Variants in THSD4 observed in about 807,000 individuals in gnomAD.
THSD4 encodes the protein thrombospondin type-1 domain-containing protein 4.
A neutral mutation model predicts 119.0 loss-of-function variants in THSD4; 69 were observed. That is an observed-to-expected ratio of 0.58 (90% CI 0.48 to 0.71). The LOEUF (loss-of-function observed/expected upper bound fraction) is 0.71. Among genes scored for constraint, THSD4 ranks in the 30% least tolerant of loss-of-function variants. THSD4 has a pLI of 0.00. For synonymous variants in THSD4, 524 were observed against 540.4 expected, an observed-to-expected ratio of 0.97 and a Z score of 0.42; for missense variants, 1,393 against 1,391.1, an observed-to-expected ratio of 1.00 and a Z score of -0.02.
chr15:71,554,159 A>C (rs532207322), intron 7 of THSD4, among the ~76,000 whole-genome samples: 47 of 143,126 alleles, frequency 3.3e-4, no homozygotes, highest in African/African-American at 1.1e-3. Flanking sequence ...GCACGATCTC[A>C]GCTCACTGCA....
chr15:71,774,939 T>G (rs6416496), intron 17 of THSD4, among the ~76,000 whole-genome samples: 114,350 of 152,060 alleles, frequency 0.75, 43,977 homozygotes, highest in African/African-American at 0.89. Context: ...GAGGTCAGGA[T>G]ATTGAGACCA....
chr15:71,157,072 C>T (rs971998365), intron 3 of THSD4, among the ~76,000 whole-genome samples: 1 of 152,036 alleles, frequency 6.6e-6, no homozygotes, highest in Non-Finnish European at 1.5e-5. Flanking sequence ...GTTGTTAATC[C>T]TAAGAGTTGA....
intron 3 of THSD4, among the ~76,000 whole-genome samples, chr15:71,201,830 T>C (rs2043805771): frequency 6.6e-6 from 1 of 152,130 alleles, no homozygotes; most frequent in Non-Finnish European, 1.5e-5. Context: ...GCTGTACATA[T>C]GGTTCACGTC....
intron 3 of THSD4, among the ~76,000 whole-genome samples, chr15:71,199,268 T>C (rs2043746732): frequency 6.6e-6 from 1 of 152,192 alleles, no homozygotes; most frequent in African/African-American, 2.4e-5. Context: ...CCTTCCTCCT[T>C]TCAATTGCGA....
Position 71,331,500 on chromosome 15 carries a change from C to G in THSD4, c.1015+74785C>G, listed in dbSNP as rs369246263. On this transcript the variant is annotated intron_variant, in intron 6 of 17. Coordinates refer to ENST00000261862, the MANE Select transcript of THSD4 (RefSeq NM_024817.3). ...AAACACACTTACTAAATGCAAAAAC[C>G]TGCTGTGGCTCCACAGGCACCATGG... Among the ~76,000 whole-genome samples the G allele has an allele frequency of 2.3e-3, 357 of 152,268 alleles. 12 individuals are homozygous for G. In the South Asian group the frequency reaches 0.04, roughly 17 times the overall value.
chr15:71,614,802 G>C (rs563250987), intron 7 of THSD4, among the ~76,000 whole-genome samples: 106 of 152,244 alleles, frequency 7.0e-4, no homozygotes, highest in African/African-American at 2.4e-3. Flanking sequence ...AGGAAACTAG[G>C]GGATGATTAC....
intron 7 of THSD4, among the ~76,000 whole-genome samples, chr15:71,561,266 A>G (rs1467561598): frequency 6.6e-6 from 1 of 151,830 alleles, no homozygotes. Flanking sequence ...GAGCCACCGC[A>G]CTCGGCTCTC....
intron 6 of THSD4, among the ~76,000 whole-genome samples, chr15:71,396,385 C>T (rs1456649127): frequency 6.6e-6 from 1 of 152,162 alleles, no homozygotes; most frequent in Non-Finnish European, 1.5e-5. Flanking sequence ...AAGCCGTCCT[C>T]CCCTGGGTAT....
At chr15:71,395,914 G>GAGAGACACACACACACAC (rs535919434) in intron 6 of THSD4, among the ~76,000 whole-genome samples, 1 of 133,296 alleles carries the variant, frequency 7.5e-6, no homozygotes, top group Admixed American at 7.8e-5. Context: ...TTTGAAGAGA[G>GAGAGACACACACACACAC]ACACACACAC....
intron 4 of THSD4, among the ~76,000 whole-genome samples, chr15:71,228,663 G>T (rs1406669384): frequency 6.6e-6 from 1 of 152,198 alleles, no homozygotes; most frequent in African/African-American, 2.4e-5. Flanking sequence ...GTAGGCTGCA[G>T]AGCAGGGATT....
At chr15:71,165,561 C>G (rs916331887) in intron 3 of THSD4, 3 of 649,350 alleles carry the variant, frequency 4.6e-6, no homozygotes, top group Non-Finnish European at 8.0e-6. Flanking sequence ...ATAGCAAGAG[C>G]CTTTTTCCTG....
Position 71,779,347 on chromosome 15 carries a change from C to T in THSD4, c.*1973C>T, listed in dbSNP as rs188379332. 6.6e-6 allele frequency: 1 copy of T among 152,270 alleles called. No individual in the cohort carries two copies. Among genetic ancestry groups the T allele is most frequent in the East Asian group, 1.9e-4 (1 of 5,204 alleles). The allele number at this position is 152,270 out of a possible 1,614,324, so 9.4% of individuals were successfully genotyped here. ...GCTGTTCAGGGCCTGCTCTTTTCCA[C>T]TCACCACTTGTTTTGCTGCTTGTCA... On this transcript the variant is annotated 3_prime_UTR_variant, in exon 18 of 18. Transcript: ENST00000261862.
chr15:71,435,552 G>A (rs1208616956), intron 7 of THSD4, among the ~76,000 whole-genome samples: 2 of 152,184 alleles, frequency 1.3e-5, no homozygotes, highest in Admixed American at 6.5e-5. Flanking sequence ...GAAAGTCCCT[G>A]AGGTAACTTT....
chr15:71,138,877 A>AGGGT (rs1567135732), intron 1 of THSD4, among the ~76,000 whole-genome samples: 1 of 149,722 alleles, frequency 6.7e-6, no homozygotes, highest in African/African-American at 2.5e-5. Flanking sequence ...TGTGTGTGTG[A>AGGGT]GTGTGTGTGT....
intron 5 of THSD4, among the ~76,000 whole-genome samples, chr15:71,245,919 C>G (rs1463601682): frequency 6.6e-6 from 1 of 152,068 alleles, no homozygotes; most frequent in East Asian, 1.9e-4. Flanking sequence ...AGCTATGTTG[C>G]TTTTTTTATA....
intron 4 of THSD4, among the ~76,000 whole-genome samples, chr15:71,224,559 G>A (rs1166968326): frequency 6.6e-6 from 1 of 152,042 alleles, no homozygotes; most frequent in African/African-American, 2.4e-5. Context: ...CATTGATGTT[G>A]GAAAACTCAC....
At chr15:71,280,835 C>T (rs1237838814) in intron 6 of THSD4, among the ~76,000 whole-genome samples, 5 of 152,158 alleles carry the variant, frequency 3.3e-5, no homozygotes, top group South Asian at 4.1e-4. Flanking sequence ...CCAGCATACC[C>T]GCTGTGAATG....
At chr15:71,225,971 C>T (rs1188713593) in intron 4 of THSD4, among the ~76,000 whole-genome samples, 1 of 152,030 alleles carries the variant, frequency 6.6e-6, no homozygotes, top group African/African-American at 2.4e-5. Flanking sequence ...GTTGTTCACA[C>T]GTCTGTCCTC....
intron 7 of THSD4, among the ~76,000 whole-genome samples, chr15:71,652,166 GTC>G (rs1212295505): frequency 6.6e-6 from 1 of 152,198 alleles, no homozygotes; most frequent in African/African-American, 2.4e-5. Flanking sequence ...TGTAGGCAGT[GTC>G]TCTCTGCTCC....
Sources: allele counts gnomAD v4.1 joint callset (sites outside exome capture counted in the v4.1 genomes callset), GRCh38; gene constraint gnomAD v4.1.1; transcripts MANE v1.5; gene names NCBI Gene and HGNC (gene_info 2026-07-23, HGNC 2026-07-21).